Variants in ROR1 observed in about 807,000 individuals in gnomAD.
ROR1 encodes inactive tyrosine-protein kinase transmembrane receptor ROR1.
Under a neutral mutation model 78.8 loss-of-function variants are expected in ROR1, and 19 were observed. The ratio of observed to expected loss-of-function variants is 0.24; its 90% CI spans 0.17 to 0.35. The LOEUF (loss-of-function observed/expected upper bound fraction) is 0.35. Ranked by LOEUF, ROR1 falls within the 10% of genes least tolerant of loss-of-function variation. ROR1 has a pLI of 1.00. For missense variants in ROR1, 917 were observed against 1,177.8 expected, an observed-to-expected ratio of 0.78 and a Z score of 3.24; for synonymous variants, 386 against 433.6, an observed-to-expected ratio of 0.89 and a Z score of 1.36.
chr1:64,066,116 C>A (rs879328237), intron 4 of ROR1, among the ~76,000 whole-genome samples: 4 of 152,100 alleles, frequency 2.6e-5, no homozygotes, highest in Non-Finnish European at 5.9e-5. Context: ...ATTTTTGTGG[C>A]CAGCTTCTGA....
chr1:63,971,157 C>T (rs896553530), intron 1 of ROR1, among the ~76,000 whole-genome samples: 4 of 152,160 alleles, frequency 2.6e-5, no homozygotes, highest in African/African-American at 9.7e-5. Flanking sequence ...AGCACAGTGG[C>T]TAAAAAGTGG....
chr1:63,829,435 C>T (rs566943779), intron 1 of ROR1, among the ~76,000 whole-genome samples: 1 of 152,234 alleles, frequency 6.6e-6, no homozygotes, highest in South Asian at 2.1e-4. Context: ...AGCACCGTCA[C>T]GAGGGATTCC....
At chr1:64,013,883 T>A (rs2100547968) in intron 2 of ROR1, among the ~76,000 whole-genome samples, 1 of 152,372 alleles carries the variant, frequency 6.6e-6, no homozygotes, top group Non-Finnish European at 1.5e-5. Flanking sequence ...GTAGGAAACA[T>A]GGCATTAAAT....
At chr1:63,867,454 A>C (rs1005339831) in intron 1 of ROR1, among the ~76,000 whole-genome samples, 5 of 152,274 alleles carry the variant, frequency 3.3e-5, no homozygotes, top group Admixed American at 3.3e-4. Context: ...TAATAGTCCC[A>C]GTCATGTTCC....
intron 8 of ROR1, 112 bp downstream of exon 8, chr1:64,159,304 G>A (rs932920042): frequency 1.6e-5 from 13 of 825,410 alleles, no homozygotes; most frequent in Admixed American, 2.2e-5. Context: ...AGTTTTATAA[G>A]TGCTAAGGTT....
chr1:64,096,205 G>A lies in ROR1; in HGVS notation c.483-41164G>A, dbSNP rs532685204. ...TTGCTTGAAATCTCATTCCCAGGAT[G>A]TATTTGAAATAAAGTCTTTTTTTTT... On this transcript the variant is annotated intron_variant, in intron 4 of 8. Coordinates refer to ENST00000371079, the MANE Select transcript of ROR1 (RefSeq NM_005012.4). Among the ~76,000 whole-genome samples, 287 of 152,050 alleles carry A rather than the reference G, an allele frequency of 1.9e-3. 2 individuals carry two copies. Among genetic ancestry groups the A allele is most frequent in the African/African-American group, 6.7e-3 (279 of 41,458 alleles).
At chr1:64,059,708 T>TAAAAAAAAAAAAAAAAAAAAAA (rs75359961) in intron 4 of ROR1, among the ~76,000 whole-genome samples, 4 of 130,846 alleles carry the variant, frequency 3.1e-5, no homozygotes, top group African/African-American at 8.8e-5. Flanking sequence ...GACTCCATCT[T>TAAAAAAAAAAAAAAAAAAAAAA]AAAAAAAAAA....
At chr1:63,890,968 C>T (rs766481533) in intron 1 of ROR1, among the ~76,000 whole-genome samples, 2 of 152,124 alleles carry the variant, frequency 1.3e-5, no homozygotes, top group African/African-American at 2.4e-5. Context: ...ATTCTCAATG[C>T]CATGACTAAT....
intron 1 of ROR1, among the ~76,000 whole-genome samples, chr1:63,932,964 T>G (rs1339515045): frequency 6.6e-6 from 1 of 152,174 alleles, no homozygotes; most frequent in Non-Finnish European, 1.5e-5. Flanking sequence ...TGACAGCCCT[T>G]TATCTCTGTA....
chr1:64,071,093 C>T (rs917360689), intron 4 of ROR1, among the ~76,000 whole-genome samples: 2 of 152,154 alleles, frequency 1.3e-5, no homozygotes, highest in African/African-American at 4.8e-5. Flanking sequence ...AGAAGGCCAG[C>T]GTGGCCAAAT....
intron 1 of ROR1, among the ~76,000 whole-genome samples, chr1:63,800,091 C>G (rs986204737): frequency 1.3e-5 from 2 of 152,210 alleles, no homozygotes; most frequent in Middle Eastern, 6.8e-3. Flanking sequence ...CAGCCAGGCT[C>G]AAAGATGGGG....
chr1:63,804,997 G>C (rs1644820045), intron 1 of ROR1, among the ~76,000 whole-genome samples: 1 of 152,162 alleles, frequency 6.6e-6, no homozygotes, highest in Non-Finnish European at 1.5e-5. Flanking sequence ...TTGCCTCTCA[G>C]TAATGCATTT....
chr1:63,811,074 G>C (rs796388141), intron 1 of ROR1, among the ~76,000 whole-genome samples: 1 of 152,154 alleles, frequency 6.6e-6, no homozygotes. Context: ...AGACCCAACC[G>C]ACTGTAGAAA....
chr1:64,140,349 A>T lies in ROR1; in HGVS notation c.851A>T (p.Asp284Val). The T allele has an allele frequency of 6.2e-7, 1 of 1,614,120 alleles. No individual in the cohort carries two copies. ...LMRLKLPNCEDLPQPESPEAA... is the reference protein window; with the variant it reads ...LMRLKLPNCEVLPQPESPEAA... ...AGGCTGAAACTGCCAAACTGTGAAG[A>T]TCTCCCCCAGCCAGAGAGCCCAGAA... The change falls in exon 6 of 9, where the codon GAT (aspartate) becomes GTT (valine). Residue 284 changes from aspartate to valine, a missense_variant. Coordinates refer to ENST00000371079, the MANE Select transcript of ROR1 (RefSeq NM_005012.4).
intron 1 of ROR1, among the ~76,000 whole-genome samples, chr1:63,936,632 C>A (rs369341296): frequency 6.6e-6 from 1 of 152,182 alleles, no homozygotes. Flanking sequence ...TGTCTACATT[C>A]AAGTCACACA....
At chr1:63,913,368 A>G (rs1053772275) in intron 1 of ROR1, among the ~76,000 whole-genome samples, 1 of 152,152 alleles carries the variant, frequency 6.6e-6, no homozygotes, top group Non-Finnish European at 1.5e-5. Context: ...ATTTTAAACA[A>G]AAGTTCTCAG....
intron 2 of ROR1, among the ~76,000 whole-genome samples, chr1:64,030,335 A>G (rs1243259522): frequency 1.3e-5 from 2 of 152,222 alleles, no homozygotes; most frequent in African/African-American, 4.8e-5. Context: ...AAAGTTACAA[A>G]GAAGCACACT....
intron 1 of ROR1, among the ~76,000 whole-genome samples, chr1:63,863,716 G>A (rs568323471): frequency 1.4e-4 from 6 of 43,148 alleles, no homozygotes; most frequent in Admixed American, 2.4e-4. Flanking sequence ...CCATTGTATT[G>A]TATTGTATTG....
intron 2 of ROR1, among the ~76,000 whole-genome samples, chr1:64,034,272 G>T (rs937121998): frequency 5.9e-5 from 9 of 151,632 alleles, no homozygotes; most frequent in African/African-American, 2.2e-4. Context: ...ATGGGGTCTA[G>T]CTAAGAGCAA....
Sources: gnomAD v4.1 joint callset for allele counts (sites outside exome capture counted in the v4.1 genomes callset) on GRCh38, gnomAD v4.1.1 for gene constraint, MANE v1.5 for transcripts, NCBI Gene and HGNC (gene_info 2026-07-23, HGNC 2026-07-21) for gene names.